PPP2R3B: variants seen among roughly 807,000 people sequenced by gnomAD.
PPP2R3B encodes the protein protein phosphatase 2 regulatory subunit B''beta.
Under a neutral mutation model 72.9 loss-of-function variants are expected in PPP2R3B, and 68 were observed. The ratio of observed to expected loss-of-function variants is 0.93; its 90% CI spans 0.77 to 1.14. The LOEUF is 1.14. Ranked by LOEUF, PPP2R3B falls within the 50% of genes most tolerant of loss-of-function variation. The probability of loss-of-function intolerance (pLI) is 0.00; values close to 1 mark genes in which losing one functional copy is unlikely to be tolerated. For missense variants in PPP2R3B, 1,018 were observed against 842.0 expected, an observed-to-expected ratio of 1.21 and a Z score of -2.59; for synonymous variants, 466 against 375.8, an observed-to-expected ratio of 1.24 and a Z score of -2.78.
chrX:334,546 C>G (rs1296980933), intron 12 of PPP2R3B, 29 bp from the exon 13 acceptor site: 2 of 1,503,654 alleles, frequency 1.3e-6, no homozygotes, highest in Admixed American at 2.3e-5. Context: ...GAAGACGTGG[C>G]CAGCAGCGCG....
At chrX:357,134 G>T (rs2071454375) in intron 2 of PPP2R3B, among the ~76,000 whole-genome samples, 1 of 152,162 alleles carries the variant, frequency 6.6e-6, no homozygotes, top group South Asian at 2.1e-4. Flanking sequence ...TCTAAGAGAG[G>T]CAAAGCTACA....
At position 334,347 on chromosome X, in the gene PPP2R3B, C is replaced by T. The variant is rs375518659; in HGVS notation, c.*20G>A. 76 of 1,456,174 alleles carry T rather than the reference C, an allele frequency of 5.2e-5. No homozygotes were observed. The highest frequency in any genetic ancestry group is 6.1e-5 in the Non-Finnish European group (68 of 1,114,842). 90.2% of individuals were successfully genotyped at this position (1,456,174 alleles called of 1,614,324 possible). On this transcript the variant is annotated 3_prime_UTR_variant, in exon 13 of 13. Transcript: ENST00000390665. ...TGGCACGTGGGGAGCGGCCCCGCGG[C>T]GGCGTTCTCGCGGGCGGCGTCACAG...
chrX:370,849 T>A (rs1202352792), intron 1 of PPP2R3B, among the ~76,000 whole-genome samples: 1 of 152,132 alleles, frequency 6.6e-6, no homozygotes, highest in Non-Finnish European at 1.5e-5. Context: ...CTGAAGTCAG[T>A]TCCAAGTACA....
intron 1 of PPP2R3B, among the ~76,000 whole-genome samples, chrX:364,585 GAGGGTGCCTGTACTCCCAGCTACT>G (rs2071653453): frequency 2.0e-5 from 3 of 146,704 alleles, no homozygotes; most frequent in African/African-American, 7.6e-5. Context: ...GGGTGTGGTG[GAGGGTGCCTGTACTCCCAGCTACT>G]CGGGAGGCTG....
rs2071189761 is a variant in PPP2R3B, at chrX:345,725, A to C, written c.880-53T>G. On this transcript the variant is annotated intron_variant, in intron 6 of 12. Coordinates refer to ENST00000390665, the MANE Select transcript of PPP2R3B (RefSeq NM_013239.5). The stretch of plus-strand genomic sequence containing the variant: ...GCGGGGCCTCTGCGGGGATGCCCCA[A>C]GTCCGCCTGGCTGCGGGCGGGGCAG... 13 of 1,390,200 alleles carry C rather than the reference A, an allele frequency of 9.4e-6. No homozygotes were observed. The South Asian group carries it at 1.5e-4, about 16-fold the overall frequency. The allele number at this position is 1,390,200 out of a possible 1,614,324, so 86.1% of individuals were successfully genotyped here. A position where few individuals can be genotyped will look rare whatever the true frequency, so the allele number is the denominator to read the frequency against.
At chrX:386,226 G>C in intron 1 of PPP2R3B, 142 bp downstream of exon 1, 2 of 494,094 alleles carry the variant, frequency 4.0e-6, no homozygotes, top group Admixed American at 4.5e-5. Context: ...GTGTGGTGGG[G>C]GGGGTCGGGG....
chrX:350,239 A>C (rs748078503), intron 2 of PPP2R3B, among the ~76,000 whole-genome samples: 1 of 152,308 alleles, frequency 6.6e-6, no homozygotes, highest in Admixed American at 6.5e-5. Context: ...ACACAAACTG[A>C]ATACCAGGGG....
At chrX:379,672 C>T (rs1443827792) in intron 1 of PPP2R3B, among the ~76,000 whole-genome samples, 19 of 152,142 alleles carry the variant, frequency 1.2e-4, no homozygotes, top group Admixed American at 9.8e-4. Flanking sequence ...GAGGTGTACC[C>T]GGGGAAGTAC....
At chrX:372,270 A>T (rs1490680627) in intron 1 of PPP2R3B, among the ~76,000 whole-genome samples, 1 of 152,158 alleles carries the variant, frequency 6.6e-6, no homozygotes, top group Non-Finnish European at 1.5e-5. Context: ...GAGGTCAAAA[A>T]CTCCGAAGGA....
intron 7 of PPP2R3B, chrX:342,213 A>T (rs1215165527): frequency 3.4e-5 from 20 of 583,542 alleles, no homozygotes; most frequent in Non-Finnish European, 5.8e-5. Flanking sequence ...CCTCAAAGGT[A>T]CAGCTTTCAG....
chrX:379,850 T>C (rs2072085801), intron 1 of PPP2R3B, among the ~76,000 whole-genome samples: 1 of 152,250 alleles, frequency 6.6e-6, no homozygotes, highest in Non-Finnish European at 1.5e-5. Flanking sequence ...AGAACAGGCT[T>C]GGACTCACAG....
In PPP2R3B at chrX:341,377, C is replaced by T. The variant is rs370949189; in HGVS notation, c.1105G>A (p.Glu369Lys). 3.4e-5 allele frequency: 55 copies of T among 1,612,594 alleles called. No homozygotes were observed. The highest frequency in any genetic ancestry group is 4.5e-5 in the East Asian group (2 of 44,898). Residue 369 changes from glutamate (E) to lysine (K), a missense_variant, in exon 9 of 13, where the codon GAA becomes AAA. Transcript: ENST00000390665. ...AAGTCGGCATAGCTGATCTTCCCTT[C>T]CTTCTGCACTTTTCTGCCTCTAGAT... ...AVTRGRKVQKEGKISYADFVW... is the reference protein window; with the variant it reads ...AVTRGRKVQKKGKISYADFVW...
chrX:367,839 G>A (rs1484327637), intron 1 of PPP2R3B, among the ~76,000 whole-genome samples: 1 of 152,170 alleles, frequency 6.6e-6, no homozygotes, highest in African/African-American at 2.4e-5. Flanking sequence ...GGACCCAGAG[G>A]CTACACATTT....
intron 2 of PPP2R3B, among the ~76,000 whole-genome samples, chrX:359,228 G>A (rs756339006): frequency 6.6e-6 from 1 of 152,360 alleles, no homozygotes; most frequent in African/African-American, 2.4e-5. Flanking sequence ...AGGTGTCCCA[G>A]CAGACGGAAT....
At position 338,592 on chromosome X, in the gene PPP2R3B, CT is replaced by C. The variant is rs1174474632; in HGVS notation, c.1577+11del. 3 of 1,595,882 alleles carry C rather than the reference CT, an allele frequency of 1.9e-6. No homozygotes were observed. The highest frequency in any genetic ancestry group is 2.3e-5 in the East Asian group (1 of 44,132). ...TGACCCGTCCCCCCACTCACCCGTC[CT>C]CCCCACTCACCCGTCCTCCCAGGGC... is the stretch of plus-strand genomic sequence containing the variant. On this transcript the variant is annotated intron_variant, in intron 12 of 12. Coordinates refer to ENST00000390665, the MANE Select transcript of PPP2R3B (RefSeq NM_013239.5).
At chrX:381,896 C>T (rs1461975808) in intron 1 of PPP2R3B, among the ~76,000 whole-genome samples, 1 of 152,088 alleles carries the variant, frequency 6.6e-6, no homozygotes, top group Non-Finnish European at 1.5e-5. Context: ...CCGTGCCCAG[C>T]CCAAGCTCAT....
intron 1 of PPP2R3B, among the ~76,000 whole-genome samples, chrX:363,636 TCCCACAGTCATCTCCCTGTGC>T (rs2071608222): frequency 2.1e-5 from 1 of 46,820 alleles, no homozygotes; most frequent in African/African-American, 9.9e-5. Context: ...GAGCCCACCA[TCCCACAGTCATCTCCCTGTGC>T]CCACCATCCC....
At chrX:372,879 G>T (rs776699449) in intron 1 of PPP2R3B, among the ~76,000 whole-genome samples, 3 of 152,206 alleles carry the variant, frequency 2.0e-5, no homozygotes, top group South Asian at 4.1e-4. Context: ...AGTGAGCCGA[G>T]ATAGCGCCGC....
rs1207715642 is a variant in PPP2R3B at position 340,838 on chromosome X, G to A, written c.1278C>T (p.Ser426=). ...FYEEQCRRLD[S]MAIEALPFQD... ...GGAAGGGCAGGGCCTCGATGGCCATGCTGTCCAGCCTTCGGCACTGCTCCT... is the reference window on the plus strand; with the variant it reads ...GGAAGGGCAGGGCCTCGATGGCCATACTGTCCAGCCTTCGGCACTGCTCCT... Residue 426 remains serine (S), a synonymous_variant, in exon 10 of 13, where the codon AGC becomes AGT. Transcript: ENST00000390665. 5 of 1,612,044 alleles carry A rather than the reference G, an allele frequency of 3.1e-6. No homozygotes were observed. The South Asian group carries it at 4.4e-5, about 14-fold the overall frequency.
Sources: allele counts gnomAD v4.1 joint callset (sites outside exome capture counted in the v4.1 genomes callset), GRCh38; gene constraint gnomAD v4.1.1; transcripts MANE v1.5; gene names NCBI Gene and HGNC (gene_info 2026-07-23, HGNC 2026-07-21).